The following TANGO6 variants were observed in gnomAD, a reference collection of about 807,000 sequenced individuals.
TANGO6 encodes transport and Golgi organization protein 6 homolog.
TANGO6 carries 90 observed loss-of-function variants against 114.2 expected under a neutral mutation model. The observed-to-expected ratio is 0.79, with a 90% CI of 0.66 to 0.94. TANGO6 has a LOEUF of 0.94. Among genes scored for constraint, TANGO6 ranks in the 40% least tolerant of loss-of-function variants. The pLI is 0.00. For synonymous variants in TANGO6, 477 were observed against 509.8 expected (o/e 0.94, Z 0.87); for missense variants, 1,274 against 1,315.3 (o/e 0.97, Z 0.49).
In TANGO6 at chr16:68,927,651, C is replaced by A. The variant is rs1231079226; in HGVS notation, c.2211C>A (p.Ile737=). Residue 737 remains isoleucine (I), a synonymous_variant, in exon 13 of 18, where the codon ATC becomes ATA. Transcript: ENST00000261778. ...KVSNTYPDPV[I]QELAVDLRIT... ...CCAACACATACCCTGATCCGGTCATCCAAGAACTCGCTGTTGATCTCCGCA... is the reference window on the plus strand; with the variant it reads ...CCAACACATACCCTGATCCGGTCATACAAGAACTCGCTGTTGATCTCCGCA... 1 of 1,614,042 alleles carries A rather than the reference C, an allele frequency of 6.2e-7. No homozygotes were observed. The highest frequency in any genetic ancestry group is 8.5e-7 in the Non-Finnish European group (1 of 1,179,906).
intron 7 of TANGO6, among the ~76,000 whole-genome samples, chr16:68,888,895 C>A (rs992304574): frequency 6.6e-6 from 1 of 152,182 alleles, no homozygotes; most frequent in African/African-American, 2.4e-5. Flanking sequence ...TTATTGCAGC[C>A]TCTGCCTCCT....
chr16:69,078,152 A>G (rs926157824), intron 17 of TANGO6, among the ~76,000 whole-genome samples: 2 of 152,326 alleles, frequency 1.3e-5, no homozygotes, highest in African/African-American at 4.8e-5. Flanking sequence ...GCATATGCAA[A>G]GGCCTTGAGA....
intron 15 of TANGO6, among the ~76,000 whole-genome samples, chr16:68,996,741 C>T (rs28143): frequency 6.6e-6 from 1 of 151,934 alleles, no homozygotes; most frequent in Admixed American, 6.6e-5. Flanking sequence ...ATCCTTTGAC[C>T]ATTTTATGCT....
intron 11 of TANGO6, among the ~76,000 whole-genome samples, chr16:68,914,958 T>TACACACACACACAC (rs3061679): frequency 2.4e-4 from 33 of 135,248 alleles, no homozygotes; most frequent in African/African-American, 8.7e-4. Flanking sequence ...TTTTGATATC[T>TACACACACACACAC]ACACACACAC....
At chr16:68,873,392 C>T (rs1962308242) in intron 4 of TANGO6, among the ~76,000 whole-genome samples, 1 of 152,178 alleles carries the variant, frequency 6.6e-6, no homozygotes, top group South Asian at 2.1e-4. Flanking sequence ...CAGCTTACTG[C>T]AACCTTCTTC....
chr16:69,058,941 CTT>C (rs1299542573), intron 17 of TANGO6, among the ~76,000 whole-genome samples: 2 of 144,340 alleles, frequency 1.4e-5, no homozygotes, highest in South Asian at 2.2e-4. Flanking sequence ...TAGTTTTGCT[CTT>C]GTCACCCAGG....
chr16:69,029,871 G>T (rs942083434), intron 16 of TANGO6, among the ~76,000 whole-genome samples: 1 of 152,022 alleles, frequency 6.6e-6, no homozygotes, highest in Non-Finnish European at 1.5e-5. Flanking sequence ...ACTTTGGGAG[G>T]CCAAGGTGGG....
At chr16:68,979,964 C>T (rs1963807917) in intron 15 of TANGO6, among the ~76,000 whole-genome samples, 2 of 151,950 alleles carry the variant, frequency 1.3e-5, no homozygotes, top group South Asian at 4.2e-4. Context: ...CTGCCTCAGC[C>T]TCCTGAGTAG....
At chr16:68,892,623 TC>T (rs914239191) in intron 7 of TANGO6, among the ~76,000 whole-genome samples, 9 of 151,916 alleles carry the variant, frequency 5.9e-5, no homozygotes, top group African/African-American at 2.2e-4. Context: ...CAAGGGATTC[TC>T]CTGCCTGAGC....
At chr16:69,022,393 T>C (rs1294782421) in intron 15 of TANGO6, among the ~76,000 whole-genome samples, 2 of 152,176 alleles carry the variant, frequency 1.3e-5, no homozygotes, top group East Asian at 3.8e-4. Flanking sequence ...TTAATGGTTA[T>C]GCAAGTACTT....
chr16:69,012,843 G>C (rs1259964589), intron 15 of TANGO6, among the ~76,000 whole-genome samples: 1 of 152,148 alleles, frequency 6.6e-6, no homozygotes, highest in Non-Finnish European at 1.5e-5. Context: ...TAGGATCTCG[G>C]AGCCTTACGG....
At chr16:68,869,537 A>G (rs1218713238) in intron 4 of TANGO6, among the ~76,000 whole-genome samples, 1 of 152,206 alleles carries the variant, frequency 6.6e-6, no homozygotes, top group Non-Finnish European at 1.5e-5. Context: ...TCTTGGAAAC[A>G]TCTTTCTCTG....
chr16:69,081,593 G>A (rs113038533), intron 17 of TANGO6, among the ~76,000 whole-genome samples: 4,282 of 152,006 alleles, frequency 0.028, 188 homozygotes, highest in African/African-American at 0.098. Flanking sequence ...CACCTACCTT[G>A]GCCTCCCAAG....
intron 16 of TANGO6, among the ~76,000 whole-genome samples, chr16:69,039,626 A>T (rs1959743696): frequency 1.3e-5 from 2 of 151,362 alleles, no homozygotes. Context: ...ACAGAGTGAG[A>T]CCCTGTCTCA....
At chr16:68,980,661 C>T (rs1567552668) in intron 15 of TANGO6, among the ~76,000 whole-genome samples, 2 of 151,508 alleles carry the variant, frequency 1.3e-5, no homozygotes, top group Non-Finnish European at 1.5e-5. Context: ...TGCGTGCCAC[C>T]ACACCCAGCA....
chr16:68,960,095 A>G lies in TANGO6; in HGVS notation c.2702-13933A>G, dbSNP rs547804510. On this transcript the variant is annotated intron_variant, in intron 14 of 17. Transcript: ENST00000261778. ...AACTGTTTCTTTTGATAGCATAAAG[A>G]GAATATTTATGTGCTTTTTTACTCT... 5.9e-5 allele frequency among the ~76,000 whole-genome samples: 9 copies of G among 152,296 alleles called. No homozygotes were observed. In the South Asian group the frequency reaches 1.9e-3, roughly 32 times the overall value.
intron 14 of TANGO6, among the ~76,000 whole-genome samples, chr16:68,953,050 TTTATTATTATTA>T (rs71383944): frequency 6.2e-4 from 86 of 139,204 alleles, no homozygotes; most frequent in African/African-American, 1.5e-3. Context: ...ACAGGTATTT[TTTATTATTATTA>T]TTATTATTAT....
intron 17 of TANGO6, among the ~76,000 whole-genome samples, chr16:69,076,269 T>G (rs1205263068): frequency 6.6e-6 from 1 of 151,100 alleles, no homozygotes; most frequent in Non-Finnish European, 1.5e-5. Context: ...TTTTTGTATT[T>G]TTAGTAGAGA....
intron 17 of TANGO6, among the ~76,000 whole-genome samples, chr16:69,062,002 A>G (rs1960125717): frequency 6.6e-6 from 1 of 152,200 alleles, no homozygotes; most frequent in Non-Finnish European, 1.5e-5. Flanking sequence ...CCTTGGCGAC[A>G]GAGCGAGACT....
Sources: gnomAD v4.1 joint callset for allele counts (sites outside exome capture counted in the v4.1 genomes callset) on GRCh38, gnomAD v4.1.1 for gene constraint, MANE v1.5 for transcripts, NCBI Gene and HGNC (gene_info 2026-07-23, HGNC 2026-07-21) for gene names.